AP3B2: variants seen among roughly 807,000 people sequenced by gnomAD.
AP3B2 encodes the protein adaptor related protein complex 3 subunit beta 2, also known as AP-3 complex subunit beta-2.
A neutral mutation model predicts 126.9 loss-of-function variants in AP3B2; 50 were observed. That is an observed-to-expected ratio of 0.39 (90% CI 0.31 to 0.50). AP3B2 has a LOEUF of 0.50. Among genes scored for constraint, AP3B2 ranks in the 20% least tolerant of loss-of-function variants. The pLI is 0.79. For synonymous variants in AP3B2, 541 were observed against 565.0 expected (o/e 0.96, Z 0.60); for missense variants, 1,177 against 1,426.4 (o/e 0.83, Z 2.82).
At chr15:82,702,771 G>A (rs140419123) in intron 1 of AP3B2, among the ~76,000 whole-genome samples, 412 of 152,248 alleles carry the variant, frequency 2.7e-3, no homozygotes, top group African/African-American at 9.1e-3. Flanking sequence ...ATGGACGTGC[G>A]TGAAATTTGG....
chr15:82,660,422 A>G (rs1350271995), intron 25 of AP3B2, among the ~76,000 whole-genome samples: 1 of 152,180 alleles, frequency 6.6e-6, no homozygotes, highest in Non-Finnish European at 1.5e-5. Flanking sequence ...GGCTGCTGTG[A>G]TCTCTCAGCC....
chr15:82,706,430 A>C lies in AP3B2; in HGVS notation c.113+3164T>G, dbSNP rs143039719. On this transcript the variant is annotated intron_variant, in intron 1 of 26. Coordinates refer to ENST00000535359, the MANE Select transcript of AP3B2 (RefSeq NM_001278512.2). The stretch of plus-strand genomic sequence containing the variant: ...GGTCCTCCATCATTAATTCCTCTTT[A>C]ATAAAAACTCTTCTCAAGGCCGCTT... 6.1e-3 allele frequency among the ~76,000 whole-genome samples: 931 copies of C among 152,234 alleles called. 11 individuals are homozygous for C. Among genetic ancestry groups the C allele is most frequent in the African/African-American group, 0.021 (892 of 41,534 alleles).
intron 1 of AP3B2, 141 bp downstream of exon 1, chr15:82,709,453 C>T (rs1355036845): frequency 5.4e-6 from 2 of 369,192 alleles, no homozygotes; most frequent in African/African-American, 2.2e-5. Flanking sequence ...CTCCAGGCCG[C>T]AGGAGGGGGC....
At chr15:82,661,802 G>A (rs763261965) in intron 25 of AP3B2, 23 bp downstream of exon 25, 1 of 1,586,696 alleles carries the variant, frequency 6.3e-7, no homozygotes, top group South Asian at 1.1e-5. Flanking sequence ...TTCCCTCTCT[G>A]CCCACTCCCA....
rs777145862 is a variant in AP3B2 at position 82,680,800 on chromosome 15, C to T, written c.771+37G>A. The T allele has an allele frequency of 6.2e-7, 1 of 1,610,380 alleles. No individual in the cohort carries two copies. Among genetic ancestry groups the T allele is most frequent in the Non-Finnish European group, 8.5e-7 (1 of 1,178,240 alleles). On this transcript the variant is annotated intron_variant, in intron 7 of 26. Transcript: ENST00000535359. This position sits in a 1 kb window ranked among gnomAD's most constrained non-coding sequence, Gnocchi z 6.1. ...GGTCTGTGGGCGCCTCCCCGGGACACACTTCGGCCCGCTCTGCCTGGGCTG... is the reference window on the plus strand; with the variant it reads ...GGTCTGTGGGCGCCTCCCCGGGACATACTTCGGCCCGCTCTGCCTGGGCTG...
intron 1 of AP3B2, among the ~76,000 whole-genome samples, chr15:82,709,096 G>A (rs1456629150): frequency 7.2e-5 from 11 of 152,166 alleles, no homozygotes; most frequent in Admixed American, 4.6e-4. Flanking sequence ...GTGAGGGTCA[G>A]ATGGAGATGG....
At chr15:82,692,502 A>C (rs1402161657) in intron 1 of AP3B2, 2 of 217,218 alleles carry the variant, frequency 9.2e-6, no homozygotes, top group East Asian at 2.9e-4. Flanking sequence ...GTAGCCAGAA[A>C]CAGAGAGCCA....
At position 82,688,286 on chromosome 15, in the gene AP3B2, C is replaced by T. The variant is rs1020508134; in HGVS notation, c.360+450G>A. ...TACATGCACCTAACATATGTAAATC[C>T]AACTAGAGGCCTTGGGCAAAATGAA... is the stretch of plus-strand genomic sequence containing the variant. On this transcript the variant is annotated intron_variant, in intron 4 of 26. Transcript: ENST00000535359. 4.8e-6 allele frequency: 3 copies of T among 623,258 alleles called. No individual in the cohort carries two copies. The African/African-American group carries it at 5.5e-5, about 11-fold the overall frequency. The allele number at this position is 623,258 out of a possible 1,614,324, so 38.6% of individuals were successfully genotyped here. A position where few individuals can be genotyped will look rare whatever the true frequency, so the allele number is the denominator to read the frequency against.
chr15:82,669,878 G>C (rs1793078301), intron 14 of AP3B2, among the ~76,000 whole-genome samples: 1 of 149,684 alleles, frequency 6.7e-6, no homozygotes, highest in Non-Finnish European at 1.5e-5. Flanking sequence ...GTGCATGCCT[G>C]TAATCCCAGC....
rs2048701105 is a variant in AP3B2 at position 82,700,401 on chromosome 15, T to TTTTTTTTTTTTTTTTTTG, written c.113+9192_113+9193insCAAAAAAAAAAAAAAAAA. Reference sequence around the variant, plus strand: ...TGGCCTGCCAGTGGTGGGTGGCTTTTTTTTTTTTTTTTTTCAGATGGAGTT... The same window carrying TTTTTTTTTTTTTTTTTTG: ...TGGCCTGCCAGTGGTGGGTGGCTTTTTTTTTTTTTTTTTTTTTGTTTTTTTTTTTTTTCAGATGGAGTT... On this transcript the variant is annotated intron_variant, in intron 1 of 26. Coordinates refer to ENST00000535359, the MANE Select transcript of AP3B2 (RefSeq NM_001278512.2). Among the ~76,000 whole-genome samples the TTTTTTTTTTTTTTTTTTG allele has an allele frequency of 1.9e-5, 2 of 104,004 alleles. 1 individual carries two copies. The highest frequency in any genetic ancestry group is 7.3e-5 in the African/African-American group (2 of 27,280). The allele number at this position is 104,004 out of a possible 152,430, so 68.2% of individuals were successfully genotyped here. A position where few individuals can be genotyped will look rare whatever the true frequency, so the allele number is the denominator to read the frequency against.
rs750903897 is a variant in AP3B2 at position 82,663,237 on chromosome 15, T to A, written c.2498-4A>T. The stretch of plus-strand genomic sequence containing the variant: ...GGCTGGACACTGGGAGGGGTGACTG[T>A]GGGAGTAGATAAGACTATGAGGAGG... On this transcript the variant is annotated splice_region_variant and splice_polypyrimidine_tract_variant and intron_variant, in intron 21 of 26. Coordinates refer to ENST00000535359, the MANE Select transcript of AP3B2 (RefSeq NM_001278512.2). 2 of 1,608,932 alleles carry A rather than the reference T, an allele frequency of 1.2e-6. No individual in the cohort carries two copies. Among genetic ancestry groups the A allele is most frequent in the Non-Finnish European group, 8.5e-7 (1 of 1,176,824 alleles).
At chr15:82,669,583 T>C (rs1333785593) in intron 14 of AP3B2, among the ~76,000 whole-genome samples, 1 of 151,636 alleles carries the variant, frequency 6.6e-6, no homozygotes, top group East Asian at 1.9e-4. Context: ...TCCGAGCTAC[T>C]CAGGAGGCTG....
chr15:82,702,725 A>G (rs996659345), intron 1 of AP3B2, among the ~76,000 whole-genome samples: 12 of 152,040 alleles, frequency 7.9e-5, no homozygotes, highest in African/African-American at 2.9e-4. Flanking sequence ...AAAAAGCTTT[A>G]TTGCTCACAC....
In AP3B2 at chr15:82,665,269, C is replaced by A. The variant is rs775902725; in HGVS notation, c.2006G>T (p.Gly669Val). The change falls in exon 17 of 27, where the codon GGC (glycine) becomes GTC (valine). Residue 669 changes from glycine (G) to valine (V), a missense_variant. Coordinates refer to ENST00000535359, the MANE Select transcript of AP3B2 (RefSeq NM_001278512.2). The surrounding 1 kb of genome is among the most constrained non-coding windows in gnomAD (Gnocchi z 4.4). The stretch of plus-strand genomic sequence containing the variant: ...GACCTCAGTGTATTCGCCCAACAGG[C>A]CCACGTGAGTCTCAATAAGGGAGAG... ...EDLSLIETHV[G>V]LLGEYTEVPE... 56 of 1,542,038 alleles carry A rather than the reference C, an allele frequency of 3.6e-5. No homozygotes were observed. The highest frequency in any genetic ancestry group is 4.9e-5 in the Non-Finnish European group (56 of 1,150,232).
In AP3B2 at chr15:82,681,640, G is replaced by C. The variant is rs755689880; in HGVS notation, c.361-60C>G. The C allele has an allele frequency of 6.3e-4, 988 of 1,559,466 alleles. No individual in the cohort carries two copies. Among genetic ancestry groups the C allele is most frequent in the Non-Finnish European group, 8.2e-4 (944 of 1,150,056 alleles). On this transcript the variant is annotated intron_variant, in intron 4 of 26. Coordinates refer to ENST00000535359, the MANE Select transcript of AP3B2 (RefSeq NM_001278512.2). This position sits in a 1 kb window ranked among gnomAD's most constrained non-coding sequence, Gnocchi z 4.0. ...GCACCAGGTGCCCTGATGGGGGGAG[G>C]CCACACCTTTGGAAGTCACTGTCCC...
At chr15:82,669,267 T>C (rs527312131) in intron 14 of AP3B2, among the ~76,000 whole-genome samples, 4 of 152,326 alleles carry the variant, frequency 2.6e-5, no homozygotes, top group African/African-American at 9.6e-5. Flanking sequence ...GGTATCCAAA[T>C]TGGAAAAGAA....
chr15:82,674,773 A>G (rs2048216805), intron 14 of AP3B2, among the ~76,000 whole-genome samples: 1 of 152,102 alleles, frequency 6.6e-6, no homozygotes, highest in Admixed American at 6.5e-5. Flanking sequence ...GGCTTATGAA[A>G]ACATGCCAAC....
rs1294343773 is a variant in AP3B2, at chr15:82,681,268, G to A, written c.522-90C>T. On this transcript the variant is annotated intron_variant, in intron 5 of 26. Coordinates refer to ENST00000535359, the MANE Select transcript of AP3B2 (RefSeq NM_001278512.2). This position sits in a 1 kb window ranked among gnomAD's most constrained non-coding sequence, Gnocchi z 4.0. ...AGCCATGCTCACCTCCTGCACCCCA[G>A]CCTTATTGTTCTCCTCCATCTCTGT... The A allele has an allele frequency of 5.2e-6, 8 of 1,525,720 alleles. No homozygotes were observed. In the Admixed American group the frequency reaches 1.5e-4, roughly 30 times the overall value. 94.5% of individuals were successfully genotyped at this position (1,525,720 alleles called of 1,614,324 possible).
chr15:82,694,685 TAA>T (rs202118889), intron 1 of AP3B2, among the ~76,000 whole-genome samples: 27 of 129,472 alleles, frequency 2.1e-4, no homozygotes, highest in East Asian at 4.4e-4. Context: ...AACCTGTCTC[TAA>T]AAAAAAAAAA....
Sources: allele counts gnomAD v4.1 joint callset (sites outside exome capture counted in the v4.1 genomes callset), GRCh38; gene constraint gnomAD v4.1.1; non-coding constraint Gnocchi (gnomAD v3.1); transcripts MANE v1.5; gene names NCBI Gene and HGNC (gene_info 2026-07-23, HGNC 2026-07-21).